Variants in MAGED1 observed in about 807,000 individuals in gnomAD.
MAGED1 encodes MAGE family member D1.
In MAGED1, 3 loss-of-function variants were observed where a neutral mutation model predicts 54.1. The observed-to-expected ratio is 0.06, with a 90% CI of 0.03 to 0.14. The LOEUF is 0.14. Among genes scored for constraint, MAGED1 ranks in the 10% least tolerant of loss-of-function variants. MAGED1 has a pLI of 1.00. For synonymous variants in MAGED1, 217 were observed against 227.3 expected (o/e 0.95, Z 0.41); for missense variants, 485 against 623.4 (o/e 0.78, Z 2.36).
intron 1 of MAGED1, among the ~76,000 whole-genome samples, chrX:51,833,331 C>T (rs1476559458): frequency 9.1e-6 from 1 of 109,857 alleles, no homozygotes; most frequent in Non-Finnish European, 1.9e-5. Context: ...TCTCTCCCAC[C>T]CCACACACAT....
upstream of MAGED1, among the ~76,000 whole-genome samples, chrX:51,889,141 G>A (rs1473712086): frequency 3.6e-5 from 4 of 111,278 alleles, no homozygotes; most frequent in Non-Finnish European, 7.5e-5. Flanking sequence ...TCTTGGTTTT[G>A]ATTTTGTACT....
chrX:51,900,930 G>T (rs782520682), intron 11 of MAGED1, among the ~76,000 whole-genome samples: 2 of 111,744 alleles, frequency 1.8e-5, no homozygotes, highest in Non-Finnish European at 3.8e-5. Flanking sequence ...CACCGTACCC[G>T]GCCCATTCAT....
intron 1 of MAGED1, among the ~76,000 whole-genome samples, chrX:51,864,063 G>T (rs1431497626): frequency 9.0e-6 from 1 of 110,732 alleles, no homozygotes; most frequent in Non-Finnish European, 1.9e-5. Context: ...AAAAATCATT[G>T]TCATGTTCAA....
intron 1 of MAGED1, among the ~76,000 whole-genome samples, chrX:51,822,952 A>G (rs191176256): frequency 8.9e-6 from 1 of 111,864 alleles, no homozygotes; most frequent in Non-Finnish European, 1.9e-5. Context: ...TTTAATTTCT[A>G]CTTTTGAATT....
intron 1 of MAGED1, among the ~76,000 whole-genome samples, chrX:51,881,438 G>T (rs1557362482): frequency 3.9e-5 from 4 of 102,092 alleles, no homozygotes; most frequent in Non-Finnish European, 6.0e-5. Context: ...TTTTTGAGAT[G>T]GAGTTTCGCT....
chrX:51,832,326 G>A (rs1557357528), intron 1 of MAGED1, among the ~76,000 whole-genome samples: 2 of 111,648 alleles, frequency 1.8e-5, no homozygotes, highest in South Asian at 7.6e-4. Context: ...CACTGCACTC[G>A]ATCTCCTTTA....
At chrX:51,871,070 G>A (rs1458381717) in intron 1 of MAGED1, among the ~76,000 whole-genome samples, 26 of 112,336 alleles carry the variant, frequency 2.3e-4, no homozygotes, top group Non-Finnish European at 4.9e-4. Context: ...GTGACAACAG[G>A]AGCCCAGACT....
At chrX:51,817,032 T>C (rs1925458131) in intron 1 of MAGED1, among the ~76,000 whole-genome samples, 1 of 111,737 alleles carries the variant, frequency 8.9e-6, no homozygotes, top group Admixed American at 9.5e-5. Flanking sequence ...ACATTAACTA[T>C]CAGAACTATT....
intron 7 of MAGED1, 28 bp downstream of exon 7, chrX:51,897,914 G>A (rs1557364503): frequency 1.0e-5 from 11 of 1,098,269 alleles, no homozygotes; most frequent in Non-Finnish European, 1.0e-5. Context: ...GTGGAACATG[G>A]CCTTTCTCAG....
intron 1 of MAGED1, among the ~76,000 whole-genome samples, chrX:51,843,993 A>G (rs1248457935): frequency 1.8e-5 from 2 of 111,994 alleles, no homozygotes; most frequent in Admixed American, 1.9e-4. Flanking sequence ...TATTATCCTA[A>G]AGAAAATCTG....
At chrX:51,846,626 A>G (rs1926695611) in intron 1 of MAGED1, among the ~76,000 whole-genome samples, 1 of 111,977 alleles carries the variant, frequency 8.9e-6, no homozygotes, top group South Asian at 3.8e-4. Flanking sequence ...CAGGCTGTAC[A>G]GGAAACATAG....
intron 1 of MAGED1, among the ~76,000 whole-genome samples, chrX:51,824,947 GCTGA>G (rs1277791236): frequency 1.9e-5 from 2 of 104,807 alleles, no homozygotes; most frequent in Admixed American, 1.0e-4. Flanking sequence ...GGACTATCTT[GCTGA>G]CTATTTTTTT....
intron 1 of MAGED1, among the ~76,000 whole-genome samples, chrX:51,886,886 T>C (rs1485133729): frequency 9.1e-6 from 1 of 109,868 alleles, no homozygotes; most frequent in African/African-American, 3.3e-5. Flanking sequence ...GGAGACCACA[T>C]CTCTACAAAA....
intron 1 of MAGED1, among the ~76,000 whole-genome samples, chrX:51,851,212 A>T (rs781841242): frequency 8.9e-6 from 1 of 111,906 alleles, no homozygotes; most frequent in African/African-American, 3.2e-5. Context: ...AAATCATGAC[A>T]TTGTTAATTT....
chrX:51,854,345 G>T (rs1408705898), intron 1 of MAGED1, among the ~76,000 whole-genome samples: 5 of 111,913 alleles, frequency 4.5e-5, no homozygotes, highest in African/African-American at 6.5e-5. Context: ...GCTGAATTTG[G>T]AAAGAGCTAA....
chrX:51,873,534 TGAGAGA>T (rs34476955), intron 1 of MAGED1, among the ~76,000 whole-genome samples: 10 of 90,566 alleles, frequency 1.1e-4, no homozygotes, highest in African/African-American at 2.5e-4. Flanking sequence ...TGTGTGTGTG[TGAGAGA>T]GAGAGAGAGA....
intron 3 of MAGED1, 76 bp downstream of exon 3, chrX:51,895,836 A>C: frequency 1.2e-6 from 1 of 803,046 alleles, no homozygotes; most frequent in African/African-American, 2.1e-5. Flanking sequence ...TGTTCTAAAC[A>C]AAACAATGTA....
intron 1 of MAGED1, among the ~76,000 whole-genome samples, chrX:51,804,671 C>G (rs1398591806): frequency 9.1e-6 from 1 of 110,086 alleles, no homozygotes; most frequent in African/African-American, 3.3e-5. Flanking sequence ...GCAAGTGGCA[C>G]TGGTGTTAAA....
intron 1 of MAGED1, among the ~76,000 whole-genome samples, chrX:51,869,490 C>T (rs1451892404): frequency 2.7e-5 from 3 of 111,434 alleles, no homozygotes; most frequent in African/African-American, 9.8e-5. Flanking sequence ...GTTTAGGGTG[C>T]TGGTATTGCA....
Sources: allele counts gnomAD v4.1 joint callset (sites outside exome capture counted in the v4.1 genomes callset), GRCh38; gene constraint gnomAD v4.1.1; transcripts MANE v1.5; gene names NCBI Gene and HGNC (gene_info 2026-07-23, HGNC 2026-07-21).